Variants in RNFT2 observed in about 807,000 individuals in gnomAD.
RNFT2 encodes the protein ring finger protein, transmembrane 2.
A neutral mutation model predicts 53.0 loss-of-function variants in RNFT2; 36 were observed. That is an observed-to-expected ratio of 0.68 (90% confidence interval 0.52 to 0.90). The LOEUF is 0.90. RNFT2 is among the 40% of genes least tolerant of loss of function. The probability of loss-of-function intolerance (pLI) is 0.00; values close to 1 mark genes in which losing one functional copy is unlikely to be tolerated. For missense variants in RNFT2, 514 were observed against 585.6 expected (o/e 0.88, Z 1.26); for synonymous variants, 260 against 253.2 (o/e 1.03, Z -0.26).
intron 10 of RNFT2, among the ~76,000 whole-genome samples, chr12:116,843,976 G>T (rs565821348): frequency 1.3e-5 from 2 of 152,352 alleles, no homozygotes; most frequent in South Asian, 4.1e-4. Context: ...CACCTAGAGG[G>T]CAGGGCAGAT....
intron 6 of RNFT2, among the ~76,000 whole-genome samples, chr12:116,773,027 C>T (rs1873271196): frequency 6.6e-6 from 1 of 152,254 alleles, no homozygotes. Flanking sequence ...CAGGGTTTCA[C>T]CAAGTTGGCC....
chr12:116,829,608 A>T (rs146727689), intron 7 of RNFT2, among the ~76,000 whole-genome samples: 1,758 of 152,286 alleles, frequency 0.012, 27 homozygotes, highest in Non-Finnish European at 0.016. Flanking sequence ...ATCAAGATGG[A>T]ATATAAAAGT....
Position 116,740,349 on chromosome 12 carries a change from G to A in RNFT2, c.-149G>A. The A allele has an allele frequency of 1.4e-6, 1 of 694,060 alleles. No individual in the cohort carries two copies. The highest frequency in any genetic ancestry group is 2.5e-6 in the Non-Finnish European group (1 of 392,860). The allele number at this position is 694,060 out of a possible 1,614,324, so 43.0% of individuals were successfully genotyped here. Reference sequence around the variant, plus strand: ...CAGGTGTTCTGTTCCATCCAGGTTTGGAGTCTCTGGCAAGCTCCCCTGACT... The same window carrying A: ...CAGGTGTTCTGTTCCATCCAGGTTTAGAGTCTCTGGCAAGCTCCCCTGACT... On this transcript the variant is annotated 5_prime_UTR_variant, in exon 2 of 11. Coordinates refer to ENST00000257575, the MANE Select transcript of RNFT2 (RefSeq NM_001382266.1).
chr12:116,740,419 C>T lies in RNFT2; in HGVS notation c.-79C>T. 7.0e-7 allele frequency: 1 copy of T among 1,425,284 alleles called. No individual in the cohort carries two copies. Among genetic ancestry groups the T allele is most frequent in the East Asian group, 2.5e-5 (1 of 40,380 alleles). 88.3% of individuals were successfully genotyped at this position (1,425,284 alleles called of 1,614,324 possible). A position where few individuals can be genotyped will look rare whatever the true frequency, so the allele number is the denominator to read the frequency against. ...AAGAGGAGGGGGAGGCCTGTCCTCT[C>T]TGGGATCCATTGGTCACATCCCCCT... On this transcript the variant is annotated 5_prime_UTR_variant, in exon 2 of 11. Transcript: ENST00000257575.
Position 116,850,389 on chromosome 12 carries a change from C to G in RNFT2, c.*941C>G, listed in dbSNP as rs893423677. The G allele has an allele frequency of 6.6e-6, 1 of 151,404 alleles. No individual in the cohort carries two copies. The highest frequency in any genetic ancestry group is 2.4e-5 in the African/African-American group (1 of 41,138). 9.4% of individuals were successfully genotyped at this position (151,404 alleles called of 1,614,324 possible). On this transcript the variant is annotated 3_prime_UTR_variant, in exon 11 of 11. Coordinates refer to ENST00000257575, the MANE Select transcript of RNFT2 (RefSeq NM_001382266.1). ...ATGTTGTCCAGGGTGTTCTCAAACTCCTGGGCTCAAGCAATCCTCCTGTCC... is the reference window on the plus strand; with the variant it reads ...ATGTTGTCCAGGGTGTTCTCAAACTGCTGGGCTCAAGCAATCCTCCTGTCC...
At position 116,786,612 on chromosome 12, in the gene RNFT2, G is replaced by T. The variant is rs575868411; in HGVS notation, c.882+7264G>T. Among the ~76,000 whole-genome samples, 10 of 152,240 alleles carry T rather than the reference G, an allele frequency of 6.6e-5. 1 individual carries two copies. In the South Asian group the frequency reaches 2.1e-3, roughly 32 times the overall value. On this transcript the variant is annotated intron_variant, in intron 7 of 10. Coordinates refer to ENST00000257575, the MANE Select transcript of RNFT2 (RefSeq NM_001382266.1). ...TTTCTCATAGTCCAGCTCTTCCAAG[G>T]CTCTCAATACCCCTGTAAGATACAA...
At chr12:116,818,351 T>C (rs1023704153) in intron 7 of RNFT2, among the ~76,000 whole-genome samples, 2 of 151,314 alleles carry the variant, frequency 1.3e-5, no homozygotes, top group African/African-American at 4.9e-5. Flanking sequence ...CTTTTTCGTC[T>C]GCAAACCTGG....
intron 10 of RNFT2, 76 bp from the exon 11 acceptor site, chr12:116,849,238 C>A (rs1281630902): frequency 1.6e-6 from 2 of 1,265,006 alleles, no homozygotes; most frequent in Middle Eastern, 1.9e-4. Context: ...TAGTCCGCTG[C>A]CCCTTCTCCT....
intron 7 of RNFT2, among the ~76,000 whole-genome samples, chr12:116,791,345 G>A (rs748393808): frequency 2.0e-5 from 3 of 152,172 alleles, no homozygotes; most frequent in South Asian, 2.1e-4. Flanking sequence ...GAGTCTCACC[G>A]TGTTGCCCAG....
At chr12:116,748,914 T>A (rs1289056429) in intron 3 of RNFT2, among the ~76,000 whole-genome samples, 2 of 152,182 alleles carry the variant, frequency 1.3e-5, no homozygotes, top group Non-Finnish European at 2.9e-5. Flanking sequence ...CATTTCTTTA[T>A]CTGTAAAGCG....
chr12:116,829,397 T>G (rs1876517178), intron 7 of RNFT2, among the ~76,000 whole-genome samples: 2 of 152,112 alleles, frequency 1.3e-5, no homozygotes, highest in South Asian at 4.1e-4. Context: ...AGGGGATGTT[T>G]CTGGGGCTCA....
chr12:116,847,674 T>G (rs1214783990), intron 10 of RNFT2, among the ~76,000 whole-genome samples: 1 of 151,968 alleles, frequency 6.6e-6, no homozygotes, highest in Non-Finnish European at 1.5e-5. Context: ...ATTACAGGCA[T>G]GTACCACCAC....
Position 116,849,609 on chromosome 12 carries a change from C to A in RNFT2, c.*161C>A, listed in dbSNP as rs971266684. On this transcript the variant is annotated 3_prime_UTR_variant, in exon 11 of 11. Transcript: ENST00000257575. Reference sequence around the variant, plus strand: ...TCCCGCCCCTGTCTTGTCCTTCTGACCTTCATCTTCCTCTCTCGTTCTGTG... The same window carrying A: ...TCCCGCCCCTGTCTTGTCCTTCTGAACTTCATCTTCCTCTCTCGTTCTGTG... 3.9e-5 allele frequency: 54 copies of A among 1,395,522 alleles called. No individual in the cohort carries two copies. The highest frequency in any genetic ancestry group is 4.9e-5 in the Non-Finnish European group (53 of 1,073,400). The allele number at this position is 1,395,522 out of a possible 1,614,324, so 86.4% of individuals were successfully genotyped here.
intron 4 of RNFT2, among the ~76,000 whole-genome samples, chr12:116,752,202 G>C (rs1466876672): frequency 1.3e-5 from 2 of 151,730 alleles, no homozygotes; most frequent in Non-Finnish European, 2.9e-5. Flanking sequence ...AAAAAAGAGA[G>C]AGAGAGAAAG....
chr12:116,788,787 A>G (rs2137129734), intron 7 of RNFT2, among the ~76,000 whole-genome samples: 2 of 151,060 alleles, frequency 1.3e-5, no homozygotes, highest in South Asian at 4.2e-4. Context: ...AGATAGATGA[A>G]TTAGATGATC....
intron 7 of RNFT2, among the ~76,000 whole-genome samples, chr12:116,799,702 G>A (rs747792080): frequency 3.9e-5 from 6 of 151,986 alleles, no homozygotes; most frequent in African/African-American, 9.7e-5. Context: ...TGGTAGAGAC[G>A]GGGTTTCACC....
chr12:116,781,514 A>G (rs886354123), intron 7 of RNFT2, among the ~76,000 whole-genome samples: 1 of 152,038 alleles, frequency 6.6e-6, no homozygotes, highest in Non-Finnish European at 1.5e-5. Context: ...TGCGGTGAAA[A>G]CAGAAGTTTT....
At chr12:116,765,496 G>A (rs1024229091) in intron 5 of RNFT2, among the ~76,000 whole-genome samples, 2 of 152,172 alleles carry the variant, frequency 1.3e-5, no homozygotes, top group African/African-American at 4.8e-5. Flanking sequence ...CACTGGGAAA[G>A]TTATGACCTC....
At chr12:116,787,723 A>G (rs1874002424) in intron 7 of RNFT2, among the ~76,000 whole-genome samples, 1 of 151,832 alleles carries the variant, frequency 6.6e-6, no homozygotes, top group Non-Finnish European at 1.5e-5. Flanking sequence ...TAAAAGAAAA[A>G]AAAAAAAAAA....
Sources: allele counts gnomAD v4.1 joint callset (sites outside exome capture counted in the v4.1 genomes callset), GRCh38; gene constraint gnomAD v4.1.1; transcripts MANE v1.5; gene names NCBI Gene and HGNC (gene_info 2026-07-23, HGNC 2026-07-21).